FBXO40: variants seen among roughly 807,000 people sequenced by gnomAD.
The protein encoded by FBXO40 is F-box protein 40.
A neutral mutation model predicts 49.9 loss-of-function variants in FBXO40; 50 were observed. The observed-to-expected ratio is 1.00, with a 90% CI of 0.80 to 1.27. The LOEUF (loss-of-function observed/expected upper bound fraction) is 1.27. Ranked by LOEUF, FBXO40 falls within the 50% of genes most tolerant of loss-of-function variation. FBXO40 has a pLI of 0.00. For synonymous variants in FBXO40, 340 were observed against 320.2 expected (o/e 1.06, Z -0.66); for missense variants, 895 against 870.1 (o/e 1.03, Z -0.36).
chr3:121,619,958 CT>C (rs1349465133), intron 1 of FBXO40, among the ~76,000 whole-genome samples: 1 of 152,236 alleles, frequency 6.6e-6, no homozygotes, highest in Non-Finnish European at 1.5e-5. Context: ...GGCATTTTCT[CT>C]TTCACTTGCC....
intron 1 of FBXO40, among the ~76,000 whole-genome samples, chr3:121,608,203 T>G (rs1162435388): frequency 1.3e-5 from 2 of 152,234 alleles, no homozygotes; most frequent in Non-Finnish European, 2.9e-5. Flanking sequence ...TTACAGCCAT[T>G]TCTTTTGGCA....
Position 121,622,962 on chromosome 3 carries a change from C to T in FBXO40, c.1533C>T (p.Cys511=), listed in dbSNP as rs1226894260. 1.2e-6 allele frequency: 2 copies of T among 1,614,212 alleles called. No individual in the cohort carries two copies. Among genetic ancestry groups the T allele is most frequent in the Admixed American group, 1.7e-5 (1 of 60,028 alleles). The change falls in exon 3 of 4, where the codon TGC becomes TGT. Residue 511 remains cysteine (C), a synonymous_variant. Coordinates refer to ENST00000338040, the MANE Select transcript of FBXO40 (RefSeq NM_016298.4). ...TCAATGGCTGGTTCCAGCATCGATGCCCCCTCGCCTACTTGGGATGTACAT... is the reference window on the plus strand; with the variant it reads ...TCAATGGCTGGTTCCAGCATCGATGTCCCCTCGCCTACTTGGGATGTACAT... The part of the protein sequence containing the change: ...SCLNGWFQHR[C]PLAYLGCTFV...
At position 121,620,714 on chromosome 3, in the gene FBXO40, T is replaced by C. The variant is rs927962835; in HGVS notation, c.3+136T>C. On this transcript the variant is annotated intron_variant, in intron 2 of 3. Transcript: ENST00000338040. ...TATCAACTTTTTTCCAAACTAGAGA[T>C]GCTGAACAGAACTTGGAAGAAATTG... is the stretch of plus-strand genomic sequence containing the variant. The C allele has an allele frequency of 2.9e-6, 3 of 1,049,636 alleles. No individual in the cohort carries two copies. The South Asian group carries it at 4.4e-5, about 15-fold the overall frequency. The allele number at this position is 1,049,636 out of a possible 1,614,324, so 65.0% of individuals were successfully genotyped here.
chr3:121,621,944 C>T lies in FBXO40; in HGVS notation c.515C>T (p.Ala172Val). The T allele has an allele frequency of 6.2e-7, 1 of 1,614,110 alleles. No individual in the cohort carries two copies. The highest frequency in any genetic ancestry group is 8.5e-7 in the Non-Finnish European group (1 of 1,179,998). The change falls in exon 3 of 4, where the codon GCA (alanine) becomes GTA (valine). Residue 172 changes from alanine (A) to valine (V), a missense_variant. Coordinates refer to ENST00000338040, the MANE Select transcript of FBXO40 (RefSeq NM_016298.4). ...ACCAGTGTGGAGGAAATGGGAGGAG[C>T]AGTGGGTGGAGTGGATATCGGTTTG... The part of the protein sequence containing the change: ...GETSVEEMGG[A>V]VGGVDIGLVP...
intron 2 of FBXO40, 100 bp downstream of exon 2, chr3:121,620,678 TTGA>T: frequency 7.0e-7 from 1 of 1,435,978 alleles, no homozygotes; most frequent in South Asian, 1.2e-5. Context: ...CTCTTATGGT[TTGA>T]TGATATTTAT....
At chr3:121,618,494 C>T (rs2049011235) in intron 1 of FBXO40, among the ~76,000 whole-genome samples, 1 of 145,962 alleles carries the variant, frequency 6.9e-6, no homozygotes, top group Admixed American at 7.1e-5. Context: ...TAAAACAATT[C>T]TCCTGCCTCA....
chr3:121,606,530 C>T (rs920246584), intron 1 of FBXO40, among the ~76,000 whole-genome samples: 3 of 152,168 alleles, frequency 2.0e-5, no homozygotes, highest in Admixed American at 6.5e-5. Context: ...ATTTTCCTCT[C>T]ATGTGGGGAG....
chr3:121,621,300 C>A, intron 2 of FBXO40, 133 bp from the exon 3 acceptor site: 1 of 719,974 alleles, frequency 1.4e-6, no homozygotes, highest in Non-Finnish European at 2.3e-6. Context: ...TTGTGATATT[C>A]CATATATTTC....
At chr3:121,611,525 A>T (rs1015549976) in intron 1 of FBXO40, among the ~76,000 whole-genome samples, 67 of 152,316 alleles carry the variant, frequency 4.4e-4, no homozygotes, top group African/African-American at 1.5e-3. Flanking sequence ...CTCCCACCAT[A>T]GGGTGGTTTT....
intron 1 of FBXO40, among the ~76,000 whole-genome samples, chr3:121,593,967 G>A (rs964897097): frequency 1.3e-5 from 2 of 152,090 alleles, no homozygotes; most frequent in African/African-American, 2.4e-5. Flanking sequence ...CCAGGTTCTA[G>A]TGATTCTCCT....
chr3:121,625,619 T>C (rs1045461290), intron 3 of FBXO40, among the ~76,000 whole-genome samples: 11 of 152,186 alleles, frequency 7.2e-5, no homozygotes, highest in Non-Finnish European at 4.4e-5. Flanking sequence ...TAAAATCCGA[T>C]GTAAATAATT....
intron 1 of FBXO40, among the ~76,000 whole-genome samples, chr3:121,601,187 C>T (rs1576449967): frequency 6.6e-6 from 1 of 152,152 alleles, no homozygotes; most frequent in East Asian, 1.9e-4. Context: ...CAGATTGACC[C>T]TTATATCAGT....
intron 1 of FBXO40, among the ~76,000 whole-genome samples, chr3:121,598,450 CCT>C (rs1014256236): frequency 6.6e-6 from 1 of 152,168 alleles, no homozygotes; most frequent in Non-Finnish European, 1.5e-5. Context: ...TTAAAATTCC[CCT>C]GTCTTAGCAG....
chr3:121,594,636 G>A (rs576513363), intron 1 of FBXO40, among the ~76,000 whole-genome samples: 25 of 152,262 alleles, frequency 1.6e-4, no homozygotes, highest in African/African-American at 6.0e-4. Context: ...AAGCACAACT[G>A]TATTTTCTGT....
Position 121,623,312 on chromosome 3 carries a change from A to T in FBXO40, c.1883A>T (p.His628Leu). 1 of 1,614,230 alleles carries T rather than the reference A, an allele frequency of 6.2e-7. No homozygotes were observed. Among genetic ancestry groups the T allele is most frequent in the South Asian group, 1.1e-5 (1 of 91,076 alleles). Residue 628 changes from histidine to leucine, a missense_variant, in exon 3 of 4, where the codon CAT becomes CTT. Physicochemically the swap from His to Leu is moderately conservative, Grantham distance 99. Coordinates refer to ENST00000338040, the MANE Select transcript of FBXO40 (RefSeq NM_016298.4). ...CAATGGAAGAAAAAGAGGTATTCCCATGGAGGCACCTCCTGGAGAGTCCAC... is the reference window on the plus strand; with the variant it reads ...CAATGGAAGAAAAAGAGGTATTCCCTTGGAGGCACCTCCTGGAGAGTCCAC... ...LLQWKKKRYS[H>L]GGTSWRVHRE...
chr3:121,611,089 G>A (rs1038705898), intron 1 of FBXO40, among the ~76,000 whole-genome samples: 1 of 152,158 alleles, frequency 6.6e-6, no homozygotes, highest in South Asian at 2.1e-4. Flanking sequence ...AATCTTGCCA[G>A]GTTAAATCAT....
intron 1 of FBXO40, among the ~76,000 whole-genome samples, chr3:121,612,975 C>G (rs2331814): frequency 0.24 from 35,879 of 150,124 alleles, 5,096 homozygotes; most frequent in Admixed American, 0.38. Flanking sequence ...GAGGCTGAGG[C>G]GGGAGAATGG....
rs200711747 is a variant in FBXO40 at position 121,604,973 on chromosome 3, T to A, written c.-31+11471T>A. Among the ~76,000 whole-genome samples the A allele has an allele frequency of 6.9e-4, 91 of 132,424 alleles. No homozygotes were observed. The South Asian group carries it at 7.0e-3, about 10-fold the overall frequency. 86.9% of individuals were successfully genotyped at this position (132,424 alleles called of 152,430 possible). The stretch of plus-strand genomic sequence containing the variant: ...TTATTTATTTATTTATTTATTTATT[T>A]ATTATTTATTTATTTATTTGACACA... On this transcript the variant is annotated intron_variant, in intron 1 of 3. Coordinates refer to ENST00000338040, the MANE Select transcript of FBXO40 (RefSeq NM_016298.4).
chr3:121,612,873 T>C (rs2048974747), intron 1 of FBXO40, among the ~76,000 whole-genome samples: 1 of 151,904 alleles, frequency 6.6e-6, no homozygotes, highest in Admixed American at 6.6e-5. Flanking sequence ...ATCGAGGCCA[T>C]CCTGGCTAAC....
Sources: gnomAD v4.1 joint callset for allele counts (sites outside exome capture counted in the v4.1 genomes callset) on GRCh38, gnomAD v4.1.1 for gene constraint, MANE v1.5 for transcripts, NCBI Gene and HGNC (gene_info 2026-07-23, HGNC 2026-07-21) for gene names.